XRCC4: variants seen among roughly 807,000 people sequenced by gnomAD.
XRCC4 encodes the protein DNA repair protein XRCC4.
A neutral mutation model predicts 39.1 loss-of-function variants in XRCC4; 28 were observed. That is an observed-to-expected ratio of 0.72 (90% CI 0.53 to 0.98). The LOEUF is 0.98. Ranked by LOEUF, XRCC4 falls within the 50% of genes least tolerant of loss-of-function variation. The probability of loss-of-function intolerance (pLI) is 0.00; values close to 1 mark genes in which losing one functional copy is unlikely to be tolerated. For synonymous variants in XRCC4, 123 were observed against 126.4 expected (o/e 0.97, Z 0.18); for missense variants, 350 against 376.4 (o/e 0.93, Z 0.58).
At chr5:83,285,836 C>T (rs955165879) in intron 7 of XRCC4, among the ~76,000 whole-genome samples, 35 of 152,214 alleles carry the variant, frequency 2.3e-4, no homozygotes, top group Middle Eastern at 3.4e-3. Flanking sequence ...TTCAGCGGGG[C>T]GGAGGCATGG....
intron 6 of XRCC4, among the ~76,000 whole-genome samples, chr5:83,249,209 C>G (rs776353695): frequency 6.6e-6 from 1 of 152,050 alleles, no homozygotes; most frequent in African/African-American, 2.4e-5. Flanking sequence ...CAATGACTAA[C>G]AGACTCAAGT....
chr5:83,120,732 T>C (rs1186816983), intron 3 of XRCC4, among the ~76,000 whole-genome samples: 3 of 152,266 alleles, frequency 2.0e-5, no homozygotes, highest in Non-Finnish European at 4.4e-5. Flanking sequence ...AAAGCAGCTA[T>C]ATACATTCAT....
At chr5:83,361,666 A>C in the XRCC4 span, among the ~76,000 whole-genome samples, 1 of 148,780 alleles carries the variant, frequency 6.7e-6, no homozygotes, top group Non-Finnish European at 1.5e-5. Context: ...TCTGTTGCCC[A>C]GGCTGGAGTG....
chr5:83,304,724 TATTG>T (rs923650578), intron 7 of XRCC4, among the ~76,000 whole-genome samples: 49 of 76,862 alleles, frequency 6.4e-4, no homozygotes, highest in African/African-American at 1.3e-3. Flanking sequence ...TTTTCCATGT[TATTG>T]ATTTTTTCAT....
At chr5:83,364,497 T>A in the XRCC4 span, among the ~76,000 whole-genome samples, 2 of 152,178 alleles carry the variant, frequency 1.3e-5, no homozygotes, top group African/African-American at 4.8e-5. Context: ...AGATTTTCTT[T>A]CACTTCCCTT....
chr5:83,357,250 C>G (rs76060411), downstream of XRCC4, among the ~76,000 whole-genome samples: 1,120 of 152,182 alleles, frequency 7.4e-3, 24 homozygotes, highest in East Asian at 0.071. Flanking sequence ...GACAAGTGTC[C>G]TGTTTCTGTT....
chr5:83,121,194 T>TA (rs1746992685), intron 3 of XRCC4, among the ~76,000 whole-genome samples: 2 of 152,226 alleles, frequency 1.3e-5, no homozygotes, highest in Non-Finnish European at 2.9e-5. Flanking sequence ...ATTCACCAGT[T>TA]GGTGGACATT....
chr5:83,288,146 T>G (rs573897397), intron 7 of XRCC4, among the ~76,000 whole-genome samples: 13 of 152,068 alleles, frequency 8.5e-5, no homozygotes, highest in Non-Finnish European at 1.9e-4. Context: ...TTTTTATGAT[T>G]TCTATTCTTA....
chr5:83,276,340 C>T (rs1754332180), intron 7 of XRCC4, among the ~76,000 whole-genome samples: 1 of 150,338 alleles, frequency 6.7e-6, no homozygotes, highest in Admixed American at 6.8e-5. Context: ...CTTCCAAAAT[C>T]CATGATGAAA....
At chr5:83,349,303 G>A (rs1757011117) in intron 7 of XRCC4, among the ~76,000 whole-genome samples, 1 of 152,144 alleles carries the variant, frequency 6.6e-6, no homozygotes, top group African/African-American at 2.4e-5. Flanking sequence ...GATTCAGGTG[G>A]GGACACAAAG....
chr5:83,282,790 C>T (rs1193222459), intron 7 of XRCC4, among the ~76,000 whole-genome samples: 1 of 151,866 alleles, frequency 6.6e-6, no homozygotes, highest in Middle Eastern at 3.2e-3. Context: ...TGCAGTGAGC[C>T]GAGATTGCGC....
intron 3 of XRCC4, among the ~76,000 whole-genome samples, chr5:83,141,783 A>G (rs1748188087): frequency 6.6e-6 from 1 of 151,626 alleles, no homozygotes; most frequent in South Asian, 2.1e-4. Flanking sequence ...TTGGTGTTGG[A>G]CTTCCCAAAA....
chr5:83,272,939 C>A (rs1754194298), intron 7 of XRCC4, among the ~76,000 whole-genome samples: 1 of 152,122 alleles, frequency 6.6e-6, no homozygotes, highest in South Asian at 2.1e-4. Context: ...TGGGGATATA[C>A]CCAGTAATGA....
At chr5:83,283,460 A>G (rs750408658) in intron 7 of XRCC4, among the ~76,000 whole-genome samples, 2 of 152,186 alleles carry the variant, frequency 1.3e-5, no homozygotes, top group Non-Finnish European at 2.9e-5. Flanking sequence ...ATTATTTTTG[A>G]GGTGCCAGTG....
chr5:83,128,385 T>C (rs1747384027), intron 3 of XRCC4, among the ~76,000 whole-genome samples: 1 of 152,192 alleles, frequency 6.6e-6, no homozygotes, highest in South Asian at 2.1e-4. Flanking sequence ...GATGGACATT[T>C]GGGTTGGTTC....
At chr5:83,131,706 C>CT (rs959879917) in intron 3 of XRCC4, among the ~76,000 whole-genome samples, 61 of 148,510 alleles carry the variant, frequency 4.1e-4, no homozygotes, top group Admixed American at 1.3e-3. Context: ...GCAACCCCTC[C>CT]TTTTTTTTTT....
downstream of XRCC4, among the ~76,000 whole-genome samples, chr5:83,355,714 A>C (rs1757182540): frequency 6.6e-6 from 1 of 152,234 alleles, no homozygotes; most frequent in African/African-American, 2.4e-5. Flanking sequence ...ATCACAGCTC[A>C]CTGCAACCTC....
intron 1 of XRCC4, among the ~76,000 whole-genome samples, chr5:83,084,319 C>T (rs955888108): frequency 3.9e-5 from 6 of 152,176 alleles, no homozygotes; most frequent in East Asian, 1.9e-4. Context: ...CTTGTTATTG[C>T]GGAAGCTGCC....
chr5:83,343,547 C>T (rs556915108), intron 7 of XRCC4, among the ~76,000 whole-genome samples: 1 of 152,242 alleles, frequency 6.6e-6, no homozygotes, highest in African/African-American at 2.4e-5. Context: ...GAATAGAGAG[C>T]CAGTGTTTGG....
Sources: gnomAD v4.1 joint callset for allele counts (sites outside exome capture counted in the v4.1 genomes callset) on GRCh38, gnomAD v4.1.1 for gene constraint, MANE v1.5 for transcripts, NCBI Gene and HGNC (gene_info 2026-07-23, HGNC 2026-07-21) for gene names.